Variants in LPCAT3 observed in about 807,000 individuals in gnomAD.
The protein encoded by LPCAT3 is lysophosphatidylcholine acyltransferase 3, also known as lysophospholipid acyltransferase 5.
LPCAT3 carries 21 observed loss-of-function variants against 63.4 expected under a neutral mutation model. The ratio of observed to expected loss-of-function variants is 0.33; its 90% CI spans 0.23 to 0.48. LPCAT3 has a LOEUF of 0.48. Ranked by LOEUF, LPCAT3 falls within the 20% of genes least tolerant of loss-of-function variation. The pLI, the probability that LPCAT3 is intolerant of heterozygous loss-of-function variation, is 0.99. For synonymous variants in LPCAT3, 242 were observed against 227.5 expected (o/e 1.06, Z -0.58); for missense variants, 451 against 590.6 (o/e 0.76, Z 2.45).
At chr12:7,000,943 G>C (rs1319442140) in intron 1 of LPCAT3, among the ~76,000 whole-genome samples, 18 of 151,910 alleles carry the variant, frequency 1.2e-4, no homozygotes, top group Admixed American at 1.2e-3. Flanking sequence ...TCCTGACCTC[G>C]TGATCTGCCC....
Position 6,977,509 on chromosome 12 carries a change from T to C in LPCAT3, c.1205A>G (p.Gln402Arg). 1 of 1,614,166 alleles carries C rather than the reference T, an allele frequency of 6.2e-7. No individual in the cohort carries two copies. Residue 402 changes from glutamine (Q) to arginine (R), a missense_variant, in exon 11 of 13, where the codon CAA becomes CGA. Physicochemically the swap from Gln to Arg is conservative, Grantham distance 43. Transcript: ENST00000261407. The surrounding 1 kb of genome is among the most constrained non-coding windows in gnomAD (Gnocchi z 4.5). ...CAGCTTGCTCAGGGTGGGGCTCTCTTGAATGAGCCTGGCAGCCTGGGGAGG... is the reference window on the plus strand; with the variant it reads ...CAGCTTGCTCAGGGTGGGGCTCTCTCGAATGAGCCTGGCAGCCTGGGGAGG... ...IVERQAARLI[Q>R]ESPTLSKLAA... is the part of the protein sequence containing the mutation.
intron 6 of LPCAT3, 183 bp from the exon 7 acceptor site, chr12:6,979,762 A>C (rs1361407211): frequency 3.3e-6 from 2 of 605,828 alleles, no homozygotes; most frequent in African/African-American, 3.7e-5. Context: ...GGCTATGAGG[A>C]ATGGGGACTG....
chr12:7,013,654 A>C (rs145843728), intron 1 of LPCAT3, among the ~76,000 whole-genome samples: 1 of 151,798 alleles, frequency 6.6e-6, no homozygotes, highest in South Asian at 2.1e-4. Flanking sequence ...TACAGAATCT[A>C]CCTTTCAAAA....
intron 1 of LPCAT3, among the ~76,000 whole-genome samples, chr12:7,008,684 G>A (rs60788395): frequency 6.6e-6 from 1 of 151,960 alleles, no homozygotes; most frequent in African/African-American, 2.4e-5. Flanking sequence ...CCTCGGAGGT[G>A]GAGGTTGCAG....
intron 7 of LPCAT3, 195 bp from the exon 8 acceptor site, chr12:6,978,884 T>C (rs1172640190): frequency 1.4e-6 from 1 of 712,254 alleles, no homozygotes; most frequent in Non-Finnish European, 2.2e-6. Context: ...AGAATATTCA[T>C]TCGCCTTTCC....
At chr12:6,998,191 T>G (rs957430797) in intron 1 of LPCAT3, among the ~76,000 whole-genome samples, 9 of 151,962 alleles carry the variant, frequency 5.9e-5, no homozygotes, top group Non-Finnish European at 1.2e-4. Context: ...AATTTTAAAA[T>G]TTTTTGTAGA....
At chr12:6,998,896 GGA>G (rs1228205266) in intron 1 of LPCAT3, among the ~76,000 whole-genome samples, 41 of 152,328 alleles carry the variant, frequency 2.7e-4, no homozygotes, top group African/African-American at 8.7e-4. Flanking sequence ...GGTCCAAAGG[GGA>G]TAACTGGCAT....
At chr12:6,978,224 G>T (rs1449710262) in intron 9 of LPCAT3, 117 bp downstream of exon 9, 4 of 1,223,984 alleles carry the variant, frequency 3.3e-6, no homozygotes, top group Non-Finnish European at 3.4e-6. Flanking sequence ...TGAGCGACAG[G>T]GGGTTCTGCC....
intron 1 of LPCAT3, among the ~76,000 whole-genome samples, chr12:6,994,188 G>T (rs1591552536): frequency 1.3e-5 from 2 of 152,074 alleles, no homozygotes; most frequent in East Asian, 3.9e-4. Context: ...ATATACCTAG[G>T]AATGGATCTC....
At chr12:7,013,726 C>A (rs1281596808) in intron 1 of LPCAT3, among the ~76,000 whole-genome samples, 1 of 152,164 alleles carries the variant, frequency 6.6e-6, no homozygotes, top group Non-Finnish European at 1.5e-5. Context: ...AGCACAGCCA[C>A]CCTGCCTCCA....
At chr12:7,009,457 A>G (rs931083130) in intron 1 of LPCAT3, among the ~76,000 whole-genome samples, 9 of 152,248 alleles carry the variant, frequency 5.9e-5, no homozygotes, top group Non-Finnish European at 1.2e-4. Context: ...CTCTAGAGTA[A>G]TAAGTATAAC....
intron 1 of LPCAT3, among the ~76,000 whole-genome samples, chr12:7,010,873 T>A (rs1165026460): frequency 6.6e-6 from 1 of 152,204 alleles, no homozygotes; most frequent in African/African-American, 2.4e-5. Context: ...GGTCTCCTTC[T>A]GTCATCTAGG....
rs782292669 is a variant in LPCAT3 at position 7,010,173 on chromosome 12, A to C, written c.151+8101T>G. Among the ~76,000 whole-genome samples, 17 of 152,304 alleles carry C rather than the reference A, an allele frequency of 1.1e-4. 1 individual carries two copies. The South Asian group carries it at 3.1e-3, about 28-fold the overall frequency. On this transcript the variant is annotated intron_variant, in intron 1 of 12. Coordinates refer to ENST00000261407, the MANE Select transcript of LPCAT3 (RefSeq NM_005768.6). ...TCATGTTTTTCTCTACTGCTCTTTTACGATCTTCTATTGTTCTGGTTAAAG... is the reference window on the plus strand; with the variant it reads ...TCATGTTTTTCTCTACTGCTCTTTTCCGATCTTCTATTGTTCTGGTTAAAG...
intron 1 of LPCAT3, among the ~76,000 whole-genome samples, chr12:6,997,806 G>A (rs1555156216): frequency 6.6e-6 from 1 of 151,738 alleles, no homozygotes; most frequent in East Asian, 1.9e-4. Context: ...GGCTGGTCTC[G>A]AACTCCTGAC....
At chr12:6,978,219 G>A (rs1448235302) in intron 9 of LPCAT3, 122 bp downstream of exon 9, 3 of 1,185,850 alleles carry the variant, frequency 2.5e-6, no homozygotes, top group Admixed American at 4.8e-5. Flanking sequence ...CAGTGTGAGC[G>A]ACAGGGGGTT....
chr12:6,981,336 C>T (rs1196847447), intron 5 of LPCAT3, 154 bp from the exon 6 acceptor site: 12 of 692,948 alleles, frequency 1.7e-5, no homozygotes, highest in Admixed American at 8.5e-5. Context: ...TGTGGAAATG[C>T]GTATGTGTGT....
chr12:6,983,991 A>G (rs1946498376), intron 1 of LPCAT3, among the ~76,000 whole-genome samples: 1 of 152,192 alleles, frequency 6.6e-6, no homozygotes, highest in Non-Finnish European at 1.5e-5. Flanking sequence ...AAAAAACAAG[A>G]TACAAAGATT....
intron 1 of LPCAT3, among the ~76,000 whole-genome samples, chr12:6,990,488 G>T (rs1448935883): frequency 1.3e-5 from 2 of 150,352 alleles, no homozygotes; most frequent in African/African-American, 4.9e-5. Flanking sequence ...CAGCCTGGGC[G>T]ACACAGTGAG....
At chr12:7,011,587 G>T (rs1946764395) in intron 1 of LPCAT3, among the ~76,000 whole-genome samples, 1 of 148,900 alleles carries the variant, frequency 6.7e-6, no homozygotes, top group Non-Finnish European at 1.5e-5. Flanking sequence ...AGCAGACGTT[G>T]CAGTGAGCTG....
Sources: gnomAD v4.1 joint callset for allele counts (sites outside exome capture counted in the v4.1 genomes callset) on GRCh38, gnomAD v4.1.1 for gene constraint, Gnocchi (gnomAD v3.1) non-coding constraint, MANE v1.5 for transcripts, NCBI Gene and HGNC (gene_info 2026-07-23, HGNC 2026-07-21) for gene names.